Variants in LLGL2 observed in about 807,000 individuals in gnomAD.
LLGL2 encodes the protein LLGL2, scribble cell polarity complex component.
Under a neutral mutation model 123.2 loss-of-function variants are expected in LLGL2, and 81 were observed. The observed-to-expected ratio is 0.66, with a 90% CI of 0.55 to 0.79. The LOEUF (loss-of-function observed/expected upper bound fraction) is 0.79, where lower values mean the gene tolerates loss of function less well. Ranked by LOEUF, LLGL2 falls within the 30% of genes least tolerant of loss-of-function variation. The probability of loss-of-function intolerance (pLI) is 0.00; values close to 1 mark genes in which losing one functional copy is unlikely to be tolerated. For missense variants in LLGL2, 1,273 were observed against 1,414.6 expected (o/e 0.90, Z 1.61); for synonymous variants, 577 against 594.1 (o/e 0.97, Z 0.42).
chr17:75,539,057 T>A (rs552929044), intron 1 of LLGL2, among the ~76,000 whole-genome samples: 73 of 152,110 alleles, frequency 4.8e-4, no homozygotes, highest in African/African-American at 1.7e-3. Flanking sequence ...CATGCCTGGC[T>A]AATCCTTTTT....
intron 6 of LLGL2, among the ~76,000 whole-genome samples, chr17:75,560,919 C>T (rs190605708): frequency 9.6e-4 from 145 of 151,474 alleles, no homozygotes; most frequent in African/African-American, 3.3e-3. Context: ...GCAACCTCTG[C>T]TTCCTGGGTT....
Position 75,564,066 on chromosome 17 carries a change from T to C in LLGL2, c.881+260T>C, listed in dbSNP as rs2055342655. ...AGCAGCAGGTCTTAAACTCCTTTAG[T>C]TGGCAGCCCTGTTTCTTCAGACAAA... On this transcript the variant is annotated intron_variant, in intron 9 of 25. Transcript: ENST00000392550. This position sits in a 1 kb window ranked among gnomAD's most constrained non-coding sequence, Gnocchi z 4.9. Among the ~76,000 whole-genome samples, 1 of 152,256 alleles carries C rather than the reference T, an allele frequency of 6.6e-6. No homozygotes were observed. The highest frequency in any genetic ancestry group is 2.4e-5 in the African/African-American group (1 of 41,470).
chr17:75,571,425 G>A (rs1163045380), intron 17 of LLGL2: 15 of 585,894 alleles, frequency 2.6e-5, no homozygotes, highest in Non-Finnish European at 3.9e-5. Context: ...TGTGACGATC[G>A]GGGACAGCAG....
chr17:75,552,668 TATTTAGA>T (rs1197181647), intron 2 of LLGL2, among the ~76,000 whole-genome samples: 2 of 152,196 alleles, frequency 1.3e-5, no homozygotes, highest in African/African-American at 4.8e-5. Context: ...ACTAGATCTG[TATTTAGA>T]ATTTGGATGA....
chr17:75,558,680 C>A lies in LLGL2; in HGVS notation c.371+53C>A. 7.1e-7 allele frequency: 1 copy of A among 1,413,768 alleles called. No individual in the cohort carries two copies. Among genetic ancestry groups the A allele is most frequent in the Non-Finnish European group, 9.8e-7 (1 of 1,022,950 alleles). The allele number at this position is 1,413,768 out of a possible 1,614,324, so 87.6% of individuals were successfully genotyped here. A position where few individuals can be genotyped will look rare whatever the true frequency, so the allele number is the denominator to read the frequency against. ...ACTCCCAGCCCAGCCTGACCCTTGC[C>A]CTTAGCTCTGGAGTGGACTCACCCT... On this transcript the variant is annotated intron_variant, in intron 5 of 25. Coordinates refer to ENST00000392550, the MANE Select transcript of LLGL2 (RefSeq NM_001031803.2). This position sits in a 1 kb window ranked among gnomAD's most constrained non-coding sequence, Gnocchi z 4.0.
chr17:75,535,420 G>T (rs150659220), intron 1 of LLGL2, among the ~76,000 whole-genome samples: 1 of 152,338 alleles, frequency 6.6e-6, no homozygotes, highest in South Asian at 2.1e-4. Context: ...GTTTCGGCTG[G>T]GTCTGGAGTC....
chr17:75,559,697 C>G lies in LLGL2; in HGVS notation c.530+287C>G, dbSNP rs1374448637. ...GTCAGTCCAGTGTCCTTTGCACTTGCCATGGGTTTCAGAACCCCAGGGGCT... is the reference window on the plus strand; with the variant it reads ...GTCAGTCCAGTGTCCTTTGCACTTGGCATGGGTTTCAGAACCCCAGGGGCT... On this transcript the variant is annotated intron_variant, in intron 6 of 25. Coordinates refer to ENST00000392550, the MANE Select transcript of LLGL2 (RefSeq NM_001031803.2). This position sits in a 1 kb window ranked among gnomAD's most constrained non-coding sequence, Gnocchi z 4.6. Among the ~76,000 whole-genome samples the G allele has an allele frequency of 1.3e-5, 2 of 152,240 alleles. No homozygotes were observed. Among genetic ancestry groups the G allele is most frequent in the East Asian group, 3.8e-4 (2 of 5,204 alleles).
rs1451908342 is a variant in LLGL2 at position 75,569,365 on chromosome 17, G to A, written c.1581+40G>A. The A allele has an allele frequency of 2.6e-6, 4 of 1,520,788 alleles. No individual in the cohort carries two copies. In the African/African-American group the frequency reaches 5.5e-5, roughly 21 times the overall value. 94.2% of individuals were successfully genotyped at this position (1,520,788 alleles called of 1,614,324 possible). On this transcript the variant is annotated intron_variant, in intron 14 of 25. Transcript: ENST00000392550. ...TGGGGAGGGGGAGCTGGGGAGGAGT[G>A]GTCGATGACTGGGGACAGCAGGGAC... is the stretch of plus-strand genomic sequence containing the variant.
At chr17:75,568,941 A>G (rs776462302) in intron 12 of LLGL2, 37 bp from the exon 13 acceptor site, 1 of 1,593,942 alleles carries the variant, frequency 6.3e-7, no homozygotes, top group Non-Finnish European at 8.6e-7. Flanking sequence ...CCCGGCTGGC[A>G]TCCCTCTCAC....
At chr17:75,529,289 C>T (rs1315078892) in intron 1 of LLGL2, among the ~76,000 whole-genome samples, 1 of 151,692 alleles carries the variant, frequency 6.6e-6, no homozygotes. Flanking sequence ...CTCTGCCTCC[C>T]AGGTTCAAGC....
intron 1 of LLGL2, among the ~76,000 whole-genome samples, chr17:75,530,199 T>G (rs557725664): frequency 6.6e-6 from 1 of 152,228 alleles, no homozygotes; most frequent in Admixed American, 6.5e-5. Context: ...GGCTCATGAA[T>G]TTGTGATATT....
rs189703614 is a variant in LLGL2, at chr17:75,570,096, G to A, written c.1715G>A (p.Arg572His). The change falls in exon 15 of 26, where the codon CGC becomes CAC. Residue 572 changes from arginine to histidine, a missense_variant. Coordinates refer to ENST00000392550, the MANE Select transcript of LLGL2 (RefSeq NM_001031803.2). ...ERLAARSGPV[R>H]FEPGFQPFVL... ...CTGGCAGCCCGCTCAGGGCCCGTGC[G>A]CTTTGAGCCTGGCTTTCAGCCCTTC... The A allele has an allele frequency of 3.8e-5, 61 of 1,609,536 alleles. No individual in the cohort carries two copies. Among genetic ancestry groups the A allele is most frequent in the Admixed American group, 1.9e-4 (11 of 59,216 alleles).
chr17:75,559,415 G>C lies in LLGL2; in HGVS notation c.530+5G>C. 2 of 1,596,710 alleles carry C rather than the reference G, an allele frequency of 1.3e-6. No homozygotes were observed. Among genetic ancestry groups the C allele is most frequent in the Non-Finnish European group, 1.7e-6 (2 of 1,172,396 alleles). On this transcript the variant is annotated splice_donor_5th_base_variant and intron_variant, in intron 6 of 25. Transcript: ENST00000392550. This position sits in a 1 kb window ranked among gnomAD's most constrained non-coding sequence, Gnocchi z 4.6. ...CTCGGACGCGGTGCTGCAGCGGTGA[G>C]CCCAGAGCCCAGCTGCTGTTAACTC...
chr17:75,543,477 G>A lies in LLGL2; in HGVS notation c.51G>A (p.Lys17=). ...PGHDPVRERL[K]RDLFQFNKTV... Reference sequence around the variant, plus strand: ...ATGACCCTGTGCGGGAGAGGCTCAAGCGGGACCTGTTCCAGTTTAACAAGG... The same window carrying A: ...ATGACCCTGTGCGGGAGAGGCTCAAACGGGACCTGTTCCAGTTTAACAAGG... Residue 17 remains lysine, a synonymous_variant, in exon 2 of 26, where the codon AAG becomes AAA. Transcript: ENST00000392550. The A allele has an allele frequency of 6.2e-7, 1 of 1,612,218 alleles. No individual in the cohort carries two copies. The highest frequency in any genetic ancestry group is 8.5e-7 in the Non-Finnish European group (1 of 1,178,934).
chr17:75,568,979 C>T lies in LLGL2; in HGVS notation c.1324C>T (p.His442Tyr). The change falls in exon 13 of 26, where the codon CAC becomes TAC. Residue 442 changes from histidine (H) to tyrosine (Y), a missense_variant and splice_region_variant. Physicochemically the swap from His to Tyr is moderately conservative, Grantham distance 83 (BLOSUM62 2). Coordinates refer to ENST00000392550, the MANE Select transcript of LLGL2 (RefSeq NM_001031803.2). ...CTGGCAGGTGGGTTCTGCCCACAGG[C>T]ACGAGGACGGCACGGTGCGGTTCTG... ...PPQRDLLLTG[H>Y]EDGTVRFWDA... 6.2e-7 allele frequency: 1 copy of T among 1,611,102 alleles called. No individual in the cohort carries two copies. The highest frequency in any genetic ancestry group is 8.5e-7 in the Non-Finnish European group (1 of 1,178,482).
At chr17:75,574,738 C>T in intron 25 of LLGL2, 70 bp downstream of exon 25, 1 of 1,595,594 alleles carries the variant, frequency 6.3e-7, no homozygotes, top group Non-Finnish European at 8.6e-7. Flanking sequence ...GCCCCGGCCC[C>T]ACTCCCCTGG....
chr17:75,571,123 G>C, intron 17 of LLGL2, 23 bp downstream of exon 17: 1 of 1,582,760 alleles, frequency 6.3e-7, no homozygotes, highest in Non-Finnish European at 8.6e-7. Context: ...CCTGGGGTTG[G>C]GGGGCAGGGG....
At chr17:75,568,094 G>T (rs80292880) in intron 10 of LLGL2, 46 of 1,137,848 alleles carry the variant, frequency 4.0e-5, no homozygotes, top group Non-Finnish European at 5.0e-5. Flanking sequence ...AAGACCACGC[G>T]TGCTGCTGCC....
In LLGL2 at chr17:75,563,140, C is replaced by T; in HGVS notation, c.655C>T (p.Gln219Ter). The change falls in exon 7 of 26, where the codon CAG (glutamine) becomes TAG (stop). Residue 219 changes from glutamine (Q) to a stop codon, truncating the protein, a stop_gained. Transcript: ENST00000392550. LOFTEE classifies it high-confidence loss of function. ...AGGCCTCGTTGTCATCTGGGACCTA[C>T]AGGGCAGCCGCGTGCTCTACCACTT... ...SRGLVVIWDL[Q>*]GSRVLYHFLS... 3 of 1,613,174 alleles carry T rather than the reference C, an allele frequency of 1.9e-6. No individual in the cohort carries two copies. The highest frequency in any genetic ancestry group is 1.3e-5 in the African/African-American group (1 of 75,076).
Sources: allele counts gnomAD v4.1 joint callset (sites outside exome capture counted in the v4.1 genomes callset), GRCh38; gene constraint gnomAD v4.1.1; non-coding constraint Gnocchi (gnomAD v3.1); transcripts MANE v1.5; gene names NCBI Gene and HGNC (gene_info 2026-07-23, HGNC 2026-07-21).